The following PRKD1 variants were observed in gnomAD, a reference collection of about 807,000 sequenced individuals.
PRKD1 encodes serine/threonine-protein kinase D1.
In PRKD1, 63 loss-of-function variants were observed where a neutral mutation model predicts 95.9. That is an observed-to-expected ratio of 0.66 (90% CI 0.54 to 0.81). The LOEUF (loss-of-function observed/expected upper bound fraction) is 0.81. Among genes scored for constraint, PRKD1 ranks in the 30% least tolerant of loss-of-function variants. PRKD1 has a pLI of 0.00. For synonymous variants in PRKD1, 425 were observed against 423.1 expected (o/e 1.00, Z -0.05); for missense variants, 1,048 against 1,165.3 (o/e 0.90, Z 1.47).
At chr14:29,701,815 T>C (rs1884857134) in intron 2 of PRKD1, among the ~76,000 whole-genome samples, 1 of 152,166 alleles carries the variant, frequency 6.6e-6, no homozygotes, top group Non-Finnish European at 1.5e-5. Context: ...GATACTCAGT[T>C]TTTGATAATT....
intron 1 of PRKD1, among the ~76,000 whole-genome samples, chr14:29,813,819 T>C (rs1027121498): frequency 2.0e-4 from 31 of 152,198 alleles, no homozygotes; most frequent in Admixed American, 1.6e-3. Flanking sequence ...TCAGACGATG[T>C]TCATAGCCAA....
chr14:29,907,969 G>A (rs561836791), intron 1 of PRKD1, among the ~76,000 whole-genome samples: 3 of 152,252 alleles, frequency 2.0e-5, no homozygotes, highest in South Asian at 4.1e-4. Context: ...GAGCAGGAAA[G>A]TTGAAAGTGT....
chr14:29,816,873 A>G (rs140804503), intron 1 of PRKD1, among the ~76,000 whole-genome samples: 161 of 152,330 alleles, frequency 1.1e-3, no homozygotes, highest in African/African-American at 3.6e-3. Context: ...CTAAGAGACC[A>G]TATTTTCTCT....
At chr14:29,865,955 AT>A (rs958330977) in intron 1 of PRKD1, among the ~76,000 whole-genome samples, 4 of 152,148 alleles carry the variant, frequency 2.6e-5, no homozygotes, top group Non-Finnish European at 5.9e-5. Flanking sequence ...TTTATAAGAT[AT>A]TTTTTAACCT....
chr14:29,680,358 G>C (rs571620325), intron 2 of PRKD1, among the ~76,000 whole-genome samples: 1 of 152,134 alleles, frequency 6.6e-6, no homozygotes, highest in Admixed American at 6.5e-5. Context: ...AGTGAGTATT[G>C]TTTAGGAGGA....
chr14:29,871,127 C>T (rs1339328175), intron 1 of PRKD1, among the ~76,000 whole-genome samples: 1 of 152,264 alleles, frequency 6.6e-6, no homozygotes, highest in Non-Finnish European at 1.5e-5. Context: ...TGAGGACTGT[C>T]ATACTCCTAC....
At chr14:29,701,766 G>A (rs1331731903) in intron 2 of PRKD1, among the ~76,000 whole-genome samples, 1 of 152,030 alleles carries the variant, frequency 6.6e-6, no homozygotes, top group African/African-American at 2.4e-5. Flanking sequence ...CATTTGCTCA[G>A]TCGGTGATCC....
chr14:29,850,254 A>G (rs1892255669), intron 1 of PRKD1, among the ~76,000 whole-genome samples: 2 of 152,122 alleles, frequency 1.3e-5, no homozygotes, highest in African/African-American at 4.8e-5. Context: ...AAAGAAAAAG[A>G]ATAAGTCAAA....
In PRKD1 at chr14:29,629,108, A is replaced by G; in HGVS notation, c.1673-15T>C. The G allele has an allele frequency of 6.2e-7, 1 of 1,600,756 alleles. No individual in the cohort carries two copies. Among genetic ancestry groups the G allele is most frequent in the Non-Finnish European group, 8.5e-7 (1 of 1,173,196 alleles). ...AGAGATATCTCCTGGAAATGCATGT[A>G]AAACAATATGCACACAAAAAGTCAG... is the stretch of plus-strand genomic sequence containing the variant. On this transcript the variant is annotated splice_polypyrimidine_tract_variant and intron_variant, in intron 10 of 17. Transcript: ENST00000331968.
At chr14:29,583,450 C>T (rs1196097916) in intron 16 of PRKD1, among the ~76,000 whole-genome samples, 1 of 152,116 alleles carries the variant, frequency 6.6e-6, no homozygotes, top group Non-Finnish European at 1.5e-5. Flanking sequence ...CAGGCAGTGG[C>T]TAGTTCCTCC....
chr14:29,921,791 AC>A (rs1225067537), intron 1 of PRKD1, among the ~76,000 whole-genome samples: 1 of 151,968 alleles, frequency 6.6e-6, no homozygotes, highest in Non-Finnish European at 1.5e-5. Flanking sequence ...TATTCCAGTA[AC>A]CCCCACCACC....
intron 1 of PRKD1, among the ~76,000 whole-genome samples, chr14:29,871,535 T>G (rs1417471143): frequency 6.6e-6 from 1 of 152,186 alleles, no homozygotes; most frequent in Non-Finnish European, 1.5e-5. Context: ...TGACTTGCCC[T>G]CTCTGTGTTT....
At chr14:29,737,011 A>T (rs4996739) in intron 1 of PRKD1, among the ~76,000 whole-genome samples, 26,896 of 152,078 alleles carry the variant, frequency 0.18, 2,630 homozygotes, top group South Asian at 0.26. Flanking sequence ...GGAAAGAGAG[A>T]CATGGCCCAA....
At position 29,636,910 on chromosome 14, in the gene PRKD1, G is replaced by A. The variant is rs1880421884; in HGVS notation, c.986-416C>T. Among the ~76,000 whole-genome samples the A allele has an allele frequency of 2.6e-5, 4 of 152,114 alleles. No homozygotes were observed. The South Asian group carries it at 8.3e-4, about 32-fold the overall frequency. Reference sequence around the variant, plus strand: ...CCTGTGTTAGTTTGCTAAAGATAATGGCCTCCAGATCCTTCCATGATTTTC... The same window carrying A: ...CCTGTGTTAGTTTGCTAAAGATAATAGCCTCCAGATCCTTCCATGATTTTC... On this transcript the variant is annotated intron_variant, in intron 6 of 17. Transcript: ENST00000331968.
chr14:29,732,476 A>G (rs1886488436), intron 1 of PRKD1, among the ~76,000 whole-genome samples: 1 of 152,208 alleles, frequency 6.6e-6, no homozygotes. Flanking sequence ...AAACCAAAAT[A>G]GAATGGTATT....
At chr14:29,708,561 A>G (rs1859884051) in intron 2 of PRKD1, among the ~76,000 whole-genome samples, 1 of 152,172 alleles carries the variant, frequency 6.6e-6, no homozygotes, top group Admixed American at 6.6e-5. Flanking sequence ...ATATTTATTT[A>G]AGAAAAAAAA....
chr14:29,839,472 A>G (rs1041218462), intron 1 of PRKD1, among the ~76,000 whole-genome samples: 1 of 152,174 alleles, frequency 6.6e-6, no homozygotes, highest in Non-Finnish European at 1.5e-5. Flanking sequence ...GTTCATGGCA[A>G]TACTCTCCGG....
rs1351726855 is a variant in PRKD1 at position 29,730,920 on chromosome 14, G to A, written c.265-5246C>T. Among the ~76,000 whole-genome samples, 3 of 151,956 alleles carry A rather than the reference G, an allele frequency of 2.0e-5. No individual in the cohort carries two copies. In the East Asian group the frequency reaches 5.8e-4, roughly 29 times the overall value. ...TTTAAGTTAGGAGGAATAAGTTCAA[G>A]ATATCTATTGTATAATGAGGTGACT... is the stretch of plus-strand genomic sequence containing the variant. On this transcript the variant is annotated intron_variant, in intron 1 of 17. Coordinates refer to ENST00000331968, the MANE Select transcript of PRKD1 (RefSeq NM_002742.3).
chr14:29,895,341 C>T (rs1162178096), intron 1 of PRKD1, among the ~76,000 whole-genome samples: 5 of 151,878 alleles, frequency 3.3e-5, no homozygotes, highest in African/African-American at 4.8e-5. Flanking sequence ...AAACAAAAAA[C>T]GTTCATTTAT....
Sources: gnomAD v4.1 joint callset for allele counts (sites outside exome capture counted in the v4.1 genomes callset) on GRCh38, gnomAD v4.1.1 for gene constraint, MANE v1.5 for transcripts, NCBI Gene and HGNC (gene_info 2026-07-23, HGNC 2026-07-21) for gene names.